The following ENTREP2 variants were observed in gnomAD, a reference collection of about 807,000 sequenced individuals.
The protein encoded by ENTREP2 is endosomal transmembrane epsin interactor 2, also known as protein ENTREP2.
At chr15:29,393,521 G>A in the ENTREP2 span, among the ~76,000 whole-genome samples, 1 of 152,160 alleles carries the variant, frequency 6.6e-6, no homozygotes, top group African/African-American at 2.4e-5. Flanking sequence ...TCTGGCCTCA[G>A]TTCATTATTT....
the ENTREP2 span, among the ~76,000 whole-genome samples, chr15:29,314,496 G>C: frequency 6.6e-6 from 1 of 152,178 alleles, no homozygotes; most frequent in Non-Finnish European, 1.5e-5. Context: ...TCAGATGACT[G>C]TTAGCATTTT....
chr15:29,538,916 A>G, the ENTREP2 span, among the ~76,000 whole-genome samples: 1 of 152,138 alleles, frequency 6.6e-6, no homozygotes, highest in Non-Finnish European at 1.5e-5. Context: ...TTCCACCAGC[A>G]TATATATTAG....
At chr15:29,493,125 C>CTTTTT in the ENTREP2 span, among the ~76,000 whole-genome samples, 12 of 84,774 alleles carry the variant, frequency 1.4e-4, 1 homozygote, top group South Asian at 8.9e-4. Flanking sequence ...CCTGACAACC[C>CTTTTT]TTTTTTTTTT....
At chr15:29,532,875 A>C in the ENTREP2 span, among the ~76,000 whole-genome samples, 47 of 152,334 alleles carry the variant, frequency 3.1e-4, no homozygotes, top group African/African-American at 1.1e-3. Context: ...TTCACAGAAA[A>C]TAAATATAAA....
chr15:29,548,171 A>G, the ENTREP2 span, among the ~76,000 whole-genome samples: 1 of 152,090 alleles, frequency 6.6e-6, no homozygotes, highest in African/African-American at 2.4e-5. Flanking sequence ...TACAATGGAT[A>G]AGATGGGGCC....
chr15:29,176,742 C>T, the ENTREP2 span, among the ~76,000 whole-genome samples: 1 of 152,174 alleles, frequency 6.6e-6, no homozygotes, highest in Non-Finnish European at 1.5e-5. Flanking sequence ...TTCCCTCCTT[C>T]CCTCCAGGTC....
the ENTREP2 span, among the ~76,000 whole-genome samples, chr15:29,142,521 G>A: frequency 6.6e-6 from 1 of 152,214 alleles, no homozygotes; most frequent in Non-Finnish European, 1.5e-5. Context: ...CAGTGCTGGG[G>A]TGAGGCGGAG....
the ENTREP2 span, among the ~76,000 whole-genome samples, chr15:29,169,427 T>G: frequency 6.6e-6 from 1 of 152,252 alleles, no homozygotes; most frequent in East Asian, 1.9e-4. Flanking sequence ...ATAAAAGAAG[T>G]ACACCACATT....
At chr15:29,555,189 C>G in the ENTREP2 span, among the ~76,000 whole-genome samples, 1 of 152,188 alleles carries the variant, frequency 6.6e-6, no homozygotes, top group Non-Finnish European at 1.5e-5. Flanking sequence ...TCCCCCTTTC[C>G]TCGGGGAACA....
At chr15:29,323,729 A>C in the ENTREP2 span, among the ~76,000 whole-genome samples, 1 of 152,100 alleles carries the variant, frequency 6.6e-6, no homozygotes, top group Admixed American at 6.5e-5. Context: ...AAATTAAATT[A>C]GAGAATAAGC....
At chr15:29,165,612 C>G in the ENTREP2 span, among the ~76,000 whole-genome samples, 1 of 152,134 alleles carries the variant, frequency 6.6e-6, no homozygotes, top group African/African-American at 2.4e-5. Flanking sequence ...AGATATAACC[C>G]TCCTAGCTTA....
At chr15:29,628,303 C>A in the ENTREP2 span, among the ~76,000 whole-genome samples, 9 of 152,150 alleles carry the variant, frequency 5.9e-5, no homozygotes, top group Non-Finnish European at 1.0e-4. Flanking sequence ...GTCCTTTGCC[C>A]ATTTTTAAAT....
the ENTREP2 span, among the ~76,000 whole-genome samples, chr15:29,448,255 G>T: frequency 6.6e-6 from 1 of 152,176 alleles, no homozygotes; most frequent in Non-Finnish European, 1.5e-5. Context: ...ACCTCGGGGA[G>T]GGAGCCTCAA....
the ENTREP2 span, among the ~76,000 whole-genome samples, chr15:29,550,559 A>G: frequency 8.3e-3 from 1,261 of 152,314 alleles, 20 homozygotes; most frequent in African/African-American, 0.029. Flanking sequence ...TGCTAGGAAA[A>G]TCATTAATAG....
chr15:29,391,462 A>G, the ENTREP2 span, among the ~76,000 whole-genome samples: 2 of 152,156 alleles, frequency 1.3e-5, no homozygotes, highest in Non-Finnish European at 2.9e-5. Context: ...GACAAAGATC[A>G]CCTCATGAAA....
At chr15:29,556,445 A>G in the ENTREP2 span, among the ~76,000 whole-genome samples, 1 of 152,168 alleles carries the variant, frequency 6.6e-6, no homozygotes, top group Non-Finnish European at 1.5e-5. Flanking sequence ...CAAGGAAGGA[A>G]GGGAGGGAGG....
chr15:29,217,534 G>A, the ENTREP2 span, among the ~76,000 whole-genome samples: 5 of 152,068 alleles, frequency 3.3e-5, no homozygotes, highest in Non-Finnish European at 7.4e-5. Context: ...TCTTCTACTT[G>A]TTGAATTCTA....
At chr15:29,582,948 C>CT in the ENTREP2 span, among the ~76,000 whole-genome samples, 1 of 151,926 alleles carries the variant, frequency 6.6e-6, no homozygotes, top group African/African-American at 2.4e-5. Context: ...CGTGCCCAGC[C>CT]CTGAATTTTT....
chr15:29,269,612 C>G, the ENTREP2 span: 3 of 1,563,556 alleles, frequency 1.9e-6, no homozygotes, highest in Non-Finnish European at 1.7e-6. Context: ...TCTTCCCCGG[C>G]CCGCGAAGCC....
Sources: allele counts gnomAD v4.1 joint callset (sites outside exome capture counted in the v4.1 genomes callset), GRCh38; gene constraint gnomAD v4.1.1; transcripts MANE v1.5; gene names NCBI Gene and HGNC (gene_info 2026-07-23, HGNC 2026-07-21).